MKLN1: variants seen among roughly 807,000 people sequenced by gnomAD.
MKLN1 encodes the protein muskelin 1.
Under a neutral mutation model 99.0 loss-of-function variants are expected in MKLN1, and 18 were observed. The ratio of observed to expected loss-of-function variants is 0.18; its 90% CI spans 0.13 to 0.27. The LOEUF (loss-of-function observed/expected upper bound fraction) is 0.27, where lower values mean the gene tolerates loss of function less well. Ranked by LOEUF, MKLN1 falls within the 10% of genes least tolerant of loss-of-function variation. The pLI is 1.00. For missense variants in MKLN1, 621 were observed against 875.9 expected, an observed-to-expected ratio of 0.71 and a Z score of 3.67; for synonymous variants, 288 against 293.2, an observed-to-expected ratio of 0.98 and a Z score of 0.18.
upstream of MKLN1, chr7:131,323,985 G>A (rs1489352573): frequency 2.6e-5 from 4 of 152,036 alleles, no homozygotes; most frequent in East Asian, 3.8e-4. Flanking sequence ...AAACACATAC[G>A]ATATAAAATG....
chr7:131,222,638 C>A (rs1042430143), intron 3 of MKLN1, among the ~76,000 whole-genome samples: 1 of 152,162 alleles, frequency 6.6e-6, no homozygotes, highest in African/African-American at 2.4e-5. Context: ...AGGCTTAATT[C>A]TGCAGAAGAC....
intron 3 of MKLN1, among the ~76,000 whole-genome samples, chr7:131,314,891 C>G (rs1025092801): frequency 4.6e-5 from 7 of 152,074 alleles, no homozygotes; most frequent in African/African-American, 1.7e-4. Flanking sequence ...TCGACCTCAG[C>G]TTCCTAAGCA....
chr7:131,150,284 G>T (rs1156779897), intron 2 of MKLN1, among the ~76,000 whole-genome samples: 1 of 152,098 alleles, frequency 6.6e-6, no homozygotes, highest in Non-Finnish European at 1.5e-5. Context: ...CTAAAATAAT[G>T]ATTTCAAGCC....
intron 3 of MKLN1, among the ~76,000 whole-genome samples, chr7:131,241,116 G>A (rs1797395041): frequency 6.6e-6 from 1 of 152,150 alleles, no homozygotes; most frequent in African/African-American, 2.4e-5. Flanking sequence ...TAGCAGGCTA[G>A]GCTGTGATCC....
chr7:131,295,659 A>C (rs1432990970), intron 3 of MKLN1, among the ~76,000 whole-genome samples: 1 of 152,128 alleles, frequency 6.6e-6, no homozygotes, highest in African/African-American at 2.4e-5. Context: ...CAAGGTGGGA[A>C]GATCACTTGA....
intron 1 of MKLN1, among the ~76,000 whole-genome samples, chr7:131,119,605 G>T (rs1795330276): frequency 6.6e-6 from 1 of 152,096 alleles, no homozygotes; most frequent in African/African-American, 2.4e-5. Context: ...GCAGACTTCT[G>T]CCTGGACATC....
intron 1 of MKLN1, among the ~76,000 whole-genome samples, chr7:131,346,948 G>A (rs1401622959): frequency 1.3e-5 from 2 of 152,182 alleles, no homozygotes; most frequent in Non-Finnish European, 2.9e-5. Flanking sequence ...AATTGAAATG[G>A]AGGCTAGCCT....
At chr7:131,384,572 A>T (rs983687490) in intron 2 of MKLN1, among the ~76,000 whole-genome samples, 1 of 152,188 alleles carries the variant, frequency 6.6e-6, no homozygotes, top group African/African-American at 2.4e-5. Flanking sequence ...CTCCAGAACT[A>T]TGAGAAAATA....
intron 2 of MKLN1, among the ~76,000 whole-genome samples, chr7:131,201,595 T>C (rs1796728951): frequency 6.6e-6 from 1 of 152,194 alleles, no homozygotes; most frequent in Non-Finnish European, 1.5e-5. Context: ...AGAATCATCA[T>C]CCGTCTTGTA....
At chr7:131,249,871 G>A (rs977258030) in intron 3 of MKLN1, among the ~76,000 whole-genome samples, 1 of 152,114 alleles carries the variant, frequency 6.6e-6, no homozygotes, top group African/African-American at 2.4e-5. Flanking sequence ...GTGTCCTCTT[G>A]CCCGTCATGC....
At chr7:131,395,777 T>C (rs1325189417) in intron 4 of MKLN1, among the ~76,000 whole-genome samples, 3 of 151,842 alleles carry the variant, frequency 2.0e-5, no homozygotes, top group Non-Finnish European at 4.4e-5. Context: ...GGGATTTTGA[T>C]TGACATGATG....
chr7:131,465,194 A>G (rs1250269722), intron 14 of MKLN1, among the ~76,000 whole-genome samples: 1 of 152,112 alleles, frequency 6.6e-6, no homozygotes, highest in Non-Finnish European at 1.5e-5. Context: ...ATTTTAGGAA[A>G]TATTTAAATT....
chr7:131,446,307 T>C (rs1033044755), intron 12 of MKLN1, among the ~76,000 whole-genome samples: 2 of 152,232 alleles, frequency 1.3e-5, no homozygotes, highest in South Asian at 2.1e-4. Context: ...GGTAACACCT[T>C]GTAAGTTTAA....
At chr7:131,130,024 A>ATG (rs1225238715) in intron 1 of MKLN1, among the ~76,000 whole-genome samples, 21 of 152,236 alleles carry the variant, frequency 1.4e-4, no homozygotes, top group Non-Finnish European at 5.9e-5. Flanking sequence ...TTCGATAGAC[A>ATG]TGTGTGTTCT....
intron 2 of MKLN1, among the ~76,000 whole-genome samples, chr7:131,193,723 C>T (rs1234818565): frequency 3.9e-5 from 6 of 152,098 alleles, no homozygotes; most frequent in South Asian, 2.1e-4. Flanking sequence ...TCAGTGGCAC[C>T]ATCATGGCTC....
At chr7:131,144,996 C>CACA (rs750299622) in intron 2 of MKLN1, among the ~76,000 whole-genome samples, 36 of 151,734 alleles carry the variant, frequency 2.4e-4, no homozygotes, top group South Asian at 8.4e-4. Context: ...CAACAACAAC[C>CACA]ACAACAACAA....
At chr7:131,379,076 G>A (rs1436456053) in intron 2 of MKLN1, among the ~76,000 whole-genome samples, 3 of 152,096 alleles carry the variant, frequency 2.0e-5, no homozygotes, top group African/African-American at 7.2e-5. Context: ...TTCACATTTG[G>A]TAGTCAGATT....
intron 12 of MKLN1, among the ~76,000 whole-genome samples, chr7:131,448,639 A>AT (rs1168606485): frequency 6.6e-5 from 10 of 152,162 alleles, no homozygotes; most frequent in East Asian, 1.9e-4. Context: ...AAATTGTGGG[A>AT]TTTTTTCCAT....
At chr7:131,196,051 T>C (rs2116397449) in intron 2 of MKLN1, among the ~76,000 whole-genome samples, 1 of 152,358 alleles carries the variant, frequency 6.6e-6, no homozygotes, top group Admixed American at 6.5e-5. Flanking sequence ...ACAATGAATA[T>C]GTAAATTTTT....
Sources: allele counts gnomAD v4.1 joint callset (sites outside exome capture counted in the v4.1 genomes callset), GRCh38; gene constraint gnomAD v4.1.1; transcripts MANE v1.5; gene names NCBI Gene and HGNC (gene_info 2026-07-23, HGNC 2026-07-21).